PEPD: variants seen among roughly 807,000 people sequenced by gnomAD.
PEPD encodes xaa-Pro dipeptidase.
In PEPD, 53 loss-of-function variants were observed where a neutral mutation model predicts 60.7. The observed-to-expected ratio is 0.87, with a 90% confidence interval of 0.70 to 1.10. PEPD has a LOEUF of 1.10. Ranked by LOEUF, PEPD falls within the 50% of genes least tolerant of loss-of-function variation. The pLI is 0.00. For missense variants in PEPD, 711 were observed against 711.9 expected (o/e 1.00, Z 0.01); for synonymous variants, 267 against 284.1 (o/e 0.94, Z 0.60).
chr19:33,483,959 A>C (rs1486882902), intron 6 of PEPD, among the ~76,000 whole-genome samples: 1 of 152,178 alleles, frequency 6.6e-6, no homozygotes, highest in African/African-American at 2.4e-5. Flanking sequence ...TGGTGTTGAA[A>C]ACACCTATGT....
intron 3 of PEPD, among the ~76,000 whole-genome samples, chr19:33,508,817 A>G (rs1317202596): frequency 1.3e-5 from 2 of 152,362 alleles, no homozygotes; most frequent in Middle Eastern, 3.4e-3. Context: ...GCAGACAGCG[A>G]GTGTCCAGAA....
chr19:33,389,467 C>T (rs531849650), intron 13 of PEPD, among the ~76,000 whole-genome samples: 3 of 151,926 alleles, frequency 2.0e-5, no homozygotes, highest in East Asian at 1.9e-4. Flanking sequence ...AGGACCTTCC[C>T]GTCCCTGTCA....
chr19:33,412,815 G>T (rs1348033909), intron 10 of PEPD, among the ~76,000 whole-genome samples: 2 of 152,204 alleles, frequency 1.3e-5, no homozygotes, highest in Admixed American at 6.5e-5. Flanking sequence ...CAGACCCGAG[G>T]GGCAGAGAGC....
intron 9 of PEPD, among the ~76,000 whole-genome samples, chr19:33,449,547 G>A (rs745752600): frequency 1.3e-5 from 2 of 152,208 alleles, no homozygotes; most frequent in Non-Finnish European, 2.9e-5. Context: ...CAGGGTCACA[G>A]CAGGAGAATG....
At chr19:33,444,724 C>T (rs1303471528) in intron 9 of PEPD, among the ~76,000 whole-genome samples, 1 of 151,852 alleles carries the variant, frequency 6.6e-6, no homozygotes, top group African/African-American at 2.4e-5. Flanking sequence ...GGGCCAGGCA[C>T]TCCCCAGCTC....
At chr19:33,411,305 T>C (rs1042600466) in intron 11 of PEPD, among the ~76,000 whole-genome samples, 2 of 152,142 alleles carry the variant, frequency 1.3e-5, no homozygotes, top group African/African-American at 4.8e-5. Flanking sequence ...CCTGCCCTCC[T>C]GGCACCAAGA....
At chr19:33,454,868 C>CTGATG (rs1259855464) in intron 9 of PEPD, among the ~76,000 whole-genome samples, 1 of 152,180 alleles carries the variant, frequency 6.6e-6, no homozygotes, top group African/African-American at 2.4e-5. Flanking sequence ...ATAAGTCATG[C>CTGATG]TGATGTGATG....
At chr19:33,432,707 C>T (rs76258600) in intron 9 of PEPD, among the ~76,000 whole-genome samples, 1,703 of 152,360 alleles carry the variant, frequency 0.011, 25 homozygotes, top group South Asian at 0.071. Flanking sequence ...TAAAACATTA[C>T]GTTCGCCAAA....
chr19:33,511,833 G>A (rs1351256722), intron 2 of PEPD, among the ~76,000 whole-genome samples: 1 of 152,188 alleles, frequency 6.6e-6, no homozygotes, highest in African/African-American at 2.4e-5. Context: ...TGGGATTGCA[G>A]GCTTGCAGCT....
intron 9 of PEPD, among the ~76,000 whole-genome samples, chr19:33,453,644 T>C (rs1399946153): frequency 6.6e-6 from 1 of 152,278 alleles, no homozygotes; most frequent in African/African-American, 2.4e-5. Context: ...AACATAACTT[T>C]TATATGCACT....
chr19:33,388,773 C>T lies in PEPD; in HGVS notation c.1153-692G>A, dbSNP rs1007815672. On this transcript the variant is annotated intron_variant, in intron 13 of 14. Transcript: ENST00000244137. ...AACGCCTGAGGGACAGTGGTAGAGC[C>T]GCTCCCTGCAGGGGCCCCTGTCTGC... 3.1e-5 allele frequency: 5 copies of T among 159,764 alleles called. No homozygotes were observed. The East Asian group carries it at 5.3e-4, about 17-fold the overall frequency. The allele number at this position is 159,764 out of a possible 1,614,324, so 9.9% of individuals were successfully genotyped here. A position where few individuals can be genotyped will look rare whatever the true frequency, so the allele number is the denominator to read the frequency against.
At chr19:33,438,739 G>A (rs1163862580) in intron 9 of PEPD, among the ~76,000 whole-genome samples, 3 of 152,204 alleles carry the variant, frequency 2.0e-5, no homozygotes, top group Non-Finnish European at 2.9e-5. Context: ...CTTTTGAGAC[G>A]GAGTCTCATT....
At chr19:33,395,461 C>T (rs941717194) in intron 12 of PEPD, among the ~76,000 whole-genome samples, 6 of 152,184 alleles carry the variant, frequency 3.9e-5, no homozygotes, top group Admixed American at 2.6e-4. Context: ...GCAGGGTGGC[C>T]TCTAGGTTAG....
At chr19:33,476,496 T>G (rs1970218135) in intron 7 of PEPD, among the ~76,000 whole-genome samples, 1 of 151,870 alleles carries the variant, frequency 6.6e-6, no homozygotes, top group South Asian at 2.1e-4. Context: ...TCATAACCGG[T>G]CCCTCCCAGG....
intron 11 of PEPD, among the ~76,000 whole-genome samples, chr19:33,403,037 GA>G (rs1192167917): frequency 6.6e-6 from 1 of 152,220 alleles, no homozygotes; most frequent in African/African-American, 2.4e-5. Flanking sequence ...CTGTGGTGTG[GA>G]AGGGACAGGA....
At chr19:33,460,958 C>T (rs1442508715) in intron 9 of PEPD, among the ~76,000 whole-genome samples, 1 of 152,190 alleles carries the variant, frequency 6.6e-6, no homozygotes, top group African/African-American at 2.4e-5. Context: ...TCACGACACC[C>T]TGCTTCCAAC....
chr19:33,517,214 A>G (rs956458104), intron 1 of PEPD, among the ~76,000 whole-genome samples: 2 of 151,852 alleles, frequency 1.3e-5, no homozygotes, highest in Non-Finnish European at 2.9e-5. Context: ...CTGTATTTCC[A>G]TATAATTGGG....
intron 9 of PEPD, among the ~76,000 whole-genome samples, chr19:33,420,424 C>T (rs755485968): frequency 7.2e-5 from 11 of 152,100 alleles, no homozygotes; most frequent in East Asian, 1.9e-4. Context: ...TAGCTGTGGC[C>T]GGGCGTGGTG....
At chr19:33,460,907 G>C (rs529074423) in intron 9 of PEPD, among the ~76,000 whole-genome samples, 2 of 152,264 alleles carry the variant, frequency 1.3e-5, no homozygotes, top group African/African-American at 4.8e-5. Flanking sequence ...GGAAGGTGGA[G>C]CAGTTTGTAG....
Sources: allele counts gnomAD v4.1 joint callset (sites outside exome capture counted in the v4.1 genomes callset), GRCh38; gene constraint gnomAD v4.1.1; transcripts MANE v1.5; gene names NCBI Gene and HGNC (gene_info 2026-07-23, HGNC 2026-07-21).